ATAD2B: variants seen among roughly 807,000 people sequenced by gnomAD.
The protein encoded by ATAD2B is ATPase family AAA domain-containing protein 2B.
A neutral mutation model predicts 167.6 loss-of-function variants in ATAD2B; 40 were observed. That is an observed-to-expected ratio of 0.24 (90% CI 0.19 to 0.31). ATAD2B has a LOEUF of 0.31. Among genes scored for constraint, ATAD2B ranks in the 10% least tolerant of loss-of-function variants. ATAD2B has a pLI of 1.00. For missense variants in ATAD2B, 1,242 were observed against 1,757.2 expected, an observed-to-expected ratio of 0.71 and a Z score of 5.24; for synonymous variants, 579 against 596.5, an observed-to-expected ratio of 0.97 and a Z score of 0.43.
chr2:23,841,280 A>G (rs776437402), intron 13 of ATAD2B, among the ~76,000 whole-genome samples: 12 of 152,064 alleles, frequency 7.9e-5, no homozygotes, highest in Non-Finnish European at 1.6e-4. Flanking sequence ...TTTTATCATT[A>G]TAAGATTTCC....
At chr2:23,737,106 G>T in the ATAD2B span, among the ~76,000 whole-genome samples, 2,178 of 152,314 alleles carry the variant, frequency 0.014, 33 homozygotes, top group Middle Eastern at 0.041. Context: ...GCCTCTGTAG[G>T]CTCCACCTCT....
At chr2:23,921,176 A>C (rs1703864435) in intron 1 of ATAD2B, among the ~76,000 whole-genome samples, 1 of 121,490 alleles carries the variant, frequency 8.2e-6, no homozygotes, top group Admixed American at 1.1e-4. Context: ...ACTATACTCC[A>C]GCCTGAGCTA....
intron 15 of ATAD2B, among the ~76,000 whole-genome samples, 198 bp downstream of exon 15, chr2:23,828,651 T>C (rs913680784): frequency 1.3e-5 from 2 of 152,224 alleles, no homozygotes; most frequent in Non-Finnish European, 2.9e-5. Context: ...ACTAAACACC[T>C]AATGGCAGTT....
At chr2:23,904,979 T>C (rs1022346) in intron 1 of ATAD2B, among the ~76,000 whole-genome samples, 28,458 of 152,056 alleles carry the variant, frequency 0.19, 2,767 homozygotes, top group Middle Eastern at 0.26. Flanking sequence ...TCTAAATTTT[T>C]CTCAAATATT....
At chr2:23,905,503 G>T (rs939524736) in intron 1 of ATAD2B, among the ~76,000 whole-genome samples, 2 of 152,002 alleles carry the variant, frequency 1.3e-5, no homozygotes, top group Non-Finnish European at 2.9e-5. Context: ...CAGCTTGGGT[G>T]ACACAGTGAG....
At chr2:23,736,729 C>T in the ATAD2B span, among the ~76,000 whole-genome samples, 30 of 152,240 alleles carry the variant, frequency 2.0e-4, no homozygotes, top group African/African-American at 6.7e-4. Flanking sequence ...GTGCGCGAGC[C>T]GAAGCAGGGT....
intron 2 of ATAD2B, among the ~76,000 whole-genome samples, chr2:23,889,109 C>T (rs1024531009): frequency 6.6e-6 from 1 of 152,144 alleles, no homozygotes; most frequent in Admixed American, 6.6e-5. Flanking sequence ...TTATTAGTTT[C>T]GAAGATTAAA....
intron 1 of ATAD2B, among the ~76,000 whole-genome samples, chr2:23,919,845 C>CAA (rs369120454): frequency 0.01 from 923 of 91,888 alleles, 9 homozygotes; most frequent in Non-Finnish European, 0.016. Context: ...AACTCTGTTT[C>CAA]AAAAAAAAAA....
At chr2:23,703,258 A>G in the ATAD2B span, 4 of 1,545,928 alleles carry the variant, frequency 2.6e-6, no homozygotes, top group Admixed American at 6.0e-5. Flanking sequence ...CTGCAGCCAC[A>G]GTGTGTGGCG....
chr2:23,718,966 C>A, the ATAD2B span, among the ~76,000 whole-genome samples: 1 of 152,234 alleles, frequency 6.6e-6, no homozygotes, highest in African/African-American at 2.4e-5. Flanking sequence ...CCACAATAAT[C>A]TCCCATCTTA....
At chr2:23,833,234 T>C (rs1188487023) in intron 14 of ATAD2B, among the ~76,000 whole-genome samples, 1 of 152,230 alleles carries the variant, frequency 6.6e-6, no homozygotes, top group Admixed American at 6.5e-5. Context: ...AAACCAGGCA[T>C]TTCACATAGA....
the ATAD2B span, among the ~76,000 whole-genome samples, chr2:23,679,963 C>G: frequency 6.6e-6 from 1 of 152,126 alleles, no homozygotes; most frequent in South Asian, 2.1e-4. Context: ...CGCTGGGGAG[C>G]AAAGGGTCCC....
At chr2:23,829,261 C>T (rs1288599523) in intron 14 of ATAD2B, among the ~76,000 whole-genome samples, 1 of 152,156 alleles carries the variant, frequency 6.6e-6, no homozygotes, top group African/African-American at 2.4e-5. Flanking sequence ...AACTATATTT[C>T]ACTTTTCCAC....
At chr2:23,736,910 C>T in the ATAD2B span, among the ~76,000 whole-genome samples, 34 of 152,344 alleles carry the variant, frequency 2.2e-4, no homozygotes, top group African/African-American at 5.8e-4. Flanking sequence ...GCACCTGGCT[C>T]GGAGGGTCCT....
intron 18 of ATAD2B, among the ~76,000 whole-genome samples, chr2:23,807,683 G>A (rs918532670): frequency 6.6e-6 from 1 of 151,334 alleles, no homozygotes; most frequent in Non-Finnish European, 1.5e-5. Context: ...GGGCATGGTG[G>A]CACGCACCTG....
Position 23,758,024 on chromosome 2 carries a change from T to C in ATAD2B, c.3472A>G (p.Lys1158Glu). The change falls in exon 25 of 28, where the codon AAA becomes GAA. Residue 1158 changes from lysine to glutamate, a missense_variant. Physicochemically the swap from Lys to Glu is moderately conservative, Grantham distance 56 (BLOSUM62 1). Transcript: ENST00000238789. ...AATTTGGTGTCTTCTTCATCTTTTT[T>C]TAAATTATTAACTTTCCTTTTCTTA... The part of the protein sequence containing the change: ...IIKKRKVNNL[K>E]KDEEDTKFAD... 6.2e-7 allele frequency: 1 copy of C among 1,609,666 alleles called. No homozygotes were observed.
At chr2:23,808,560 T>C (rs1685025661) in intron 18 of ATAD2B, among the ~76,000 whole-genome samples, 1 of 152,152 alleles carries the variant, frequency 6.6e-6, no homozygotes, top group African/African-American at 2.4e-5. Context: ...ATAGTATTTA[T>C]AAGAGAAAAC....
At chr2:23,775,801 T>C (rs910424576) in intron 22 of ATAD2B, among the ~76,000 whole-genome samples, 1 of 152,154 alleles carries the variant, frequency 6.6e-6, no homozygotes, top group African/African-American at 2.4e-5. Flanking sequence ...TCTACGATGA[T>C]GACTCCCAAC....
the ATAD2B span, among the ~76,000 whole-genome samples, chr2:23,688,597 A>AC: frequency 6.6e-6 from 1 of 151,660 alleles, no homozygotes; most frequent in Non-Finnish European, 1.5e-5. Context: ...TCTCCTGGGC[A>AC]CCCCCACGCC....
Sources: allele counts gnomAD v4.1 joint callset (sites outside exome capture counted in the v4.1 genomes callset), GRCh38; gene constraint gnomAD v4.1.1; transcripts MANE v1.5; gene names NCBI Gene and HGNC (gene_info 2026-07-23, HGNC 2026-07-21).